Variants in HORMAD2 observed in about 807,000 individuals in gnomAD.
HORMAD2 encodes the protein HORMA domain-containing protein 2.
HORMAD2 carries 45 observed loss-of-function variants against 38.8 expected under a neutral mutation model. The observed-to-expected ratio is 1.16, with a 90% CI of 0.91 to 1.49. The LOEUF (loss-of-function observed/expected upper bound fraction) is 1.49, where lower values mean the gene tolerates loss of function less well. HORMAD2 is among the 40% of genes most tolerant of loss of function. The pLI, the probability that HORMAD2 is intolerant of heterozygous loss-of-function variation, is 0.00. For synonymous variants in HORMAD2, 126 were observed against 122.8 expected (o/e 1.03, Z -0.17); for missense variants, 338 against 367.0 (o/e 0.92, Z 0.65).
At chr22:30,200,471 T>C in the HORMAD2 span, among the ~76,000 whole-genome samples, 1 of 152,172 alleles carries the variant, frequency 6.6e-6, no homozygotes, top group African/African-American at 2.4e-5. Context: ...GATATTGGAA[T>C]TATGGTTCTC....
chr22:30,179,658 T>A (rs1926619657), downstream of HORMAD2, among the ~76,000 whole-genome samples: 1 of 152,158 alleles, frequency 6.6e-6, no homozygotes, highest in Admixed American at 6.5e-5. Flanking sequence ...GCAAACTCAG[T>A]CTTACAGTAG....
At chr22:30,179,159 T>C (rs950285644), downstream of HORMAD2, among the ~76,000 whole-genome samples, 6 of 152,192 alleles carry the variant, frequency 3.9e-5, no homozygotes, top group Non-Finnish European at 7.3e-5. Context: ...ATTGGATATT[T>C]AGGGACTTCC....
intron 10 of HORMAD2, among the ~76,000 whole-genome samples, chr22:30,170,832 T>C (rs760828119): frequency 9.2e-5 from 14 of 152,190 alleles, no homozygotes; most frequent in Non-Finnish European, 1.5e-4. Context: ...TTCTTTAGTC[T>C]TTTATTCACT....
At chr22:30,155,798 G>A (rs926853736) in intron 10 of HORMAD2, among the ~76,000 whole-genome samples, 6 of 152,244 alleles carry the variant, frequency 3.9e-5, no homozygotes, top group South Asian at 4.2e-4. Context: ...CTCCATCAGT[G>A]AGAGAACTGG....
At chr22:30,122,456 A>G (rs1922528621) in intron 10 of HORMAD2, among the ~76,000 whole-genome samples, 1 of 152,192 alleles carries the variant, frequency 6.6e-6, no homozygotes, top group Non-Finnish European at 1.5e-5. Context: ...ATTTTATTAA[A>G]GATATCATAA....
At chr22:30,107,955 G>T (rs1477290645) in intron 5 of HORMAD2, among the ~76,000 whole-genome samples, 1 of 145,294 alleles carries the variant, frequency 6.9e-6, no homozygotes, top group Admixed American at 6.9e-5. Flanking sequence ...TGCAACCTCT[G>T]CCTCCCGAGT....
intron 10 of HORMAD2, among the ~76,000 whole-genome samples, chr22:30,128,833 G>A (rs961675556): frequency 1.3e-5 from 2 of 152,176 alleles, no homozygotes; most frequent in Non-Finnish European, 1.5e-5. Context: ...GTAAAATCAT[G>A]ATTTAGAGGG....
At chr22:30,185,619 G>C in the HORMAD2 span, among the ~76,000 whole-genome samples, 6 of 152,164 alleles carry the variant, frequency 3.9e-5, no homozygotes, top group African/African-American at 1.4e-4. Context: ...CTAGCTAAAA[G>C]TCATTAGTCT....
At chr22:30,156,132 C>G (rs534667908) in intron 10 of HORMAD2, among the ~76,000 whole-genome samples, 3 of 152,332 alleles carry the variant, frequency 2.0e-5, no homozygotes, top group African/African-American at 7.2e-5. Context: ...CATGGTTGCC[C>G]TCCTCACACT....
chr22:30,100,696 G>A (rs2146086193), intron 3 of HORMAD2, among the ~76,000 whole-genome samples: 1 of 152,248 alleles, frequency 6.6e-6, no homozygotes, highest in South Asian at 2.1e-4. Flanking sequence ...TCTGACAAAG[G>A]TTTAATATCC....
chr22:30,108,816 C>T (rs1921403395), intron 5 of HORMAD2, among the ~76,000 whole-genome samples: 1 of 152,082 alleles, frequency 6.6e-6, no homozygotes, highest in Non-Finnish European at 1.5e-5. Context: ...AGTTTATATG[C>T]AGTAATCAAA....
At chr22:30,084,950 C>T (rs999779671) in intron 1 of HORMAD2, among the ~76,000 whole-genome samples, 14 of 151,866 alleles carry the variant, frequency 9.2e-5, no homozygotes, top group Admixed American at 9.2e-4. Flanking sequence ...TCGAGACCAT[C>T]GTCGCTAACA....
the HORMAD2 span, among the ~76,000 whole-genome samples, chr22:30,203,694 T>C: frequency 6.6e-6 from 1 of 152,078 alleles, no homozygotes; most frequent in African/African-American, 2.4e-5. Context: ...ATGCACACAA[T>C]CCACCTTCTC....
chr22:30,089,108 T>G (rs1350208828), intron 1 of HORMAD2, among the ~76,000 whole-genome samples: 1 of 152,160 alleles, frequency 6.6e-6, no homozygotes, highest in East Asian at 1.9e-4. Flanking sequence ...CTATTTATAA[T>G]CTCTATCACC....
At chr22:30,099,262 A>C (rs550434473) in intron 3 of HORMAD2, among the ~76,000 whole-genome samples, 2 of 152,338 alleles carry the variant, frequency 1.3e-5, no homozygotes, top group East Asian at 3.9e-4. Context: ...CAGCTAGATC[A>C]AAATCTATTT....
intron 7 of HORMAD2, among the ~76,000 whole-genome samples, chr22:30,114,589 C>T (rs1033612483): frequency 2.0e-5 from 3 of 152,260 alleles, no homozygotes; most frequent in South Asian, 2.1e-4. Context: ...GAGTTATATG[C>T]CTGGAAGTAT....
rs752396047 is a variant in HORMAD2, at chr22:30,176,077, T to A, written c.834T>A (p.Asn278Lys). 1 of 1,612,062 alleles carries A rather than the reference T, an allele frequency of 6.2e-7. No homozygotes were observed. Among genetic ancestry groups the A allele is most frequent in the Admixed American group, 1.7e-5 (1 of 59,952 alleles). Reference sequence around the variant, plus strand: ...GATTCTCACAGATTCAAAGAATGAATTTTGTGTGCAGTCAGCAAAGTTCTG... The same window carrying A: ...GATTCTCACAGATTCAAAGAATGAAATTTGTGTGCAGTCAGCAAAGTTCTG... Reference protein sequence around the residue: ...EECNDHIQRMNFVCSQQSSEC... With the variant: ...EECNDHIQRMKFVCSQQSSEC... Residue 278 changes from asparagine to lysine, a missense_variant, in exon 11 of 11, where the codon AAT (asparagine) becomes AAA (lysine). Physicochemically the swap from Asn to Lys is moderately conservative, Grantham distance 94 (BLOSUM62 0). Coordinates refer to ENST00000336726, the MANE Select transcript of HORMAD2 (RefSeq NM_152510.4).
chr22:30,189,304 T>C, the HORMAD2 span, among the ~76,000 whole-genome samples: 3 of 143,946 alleles, frequency 2.1e-5, no homozygotes, highest in Non-Finnish European at 4.7e-5. Flanking sequence ...TACCACTTCA[T>C]CCAGATTCCA....
At position 30,093,975 on chromosome 22, in the gene HORMAD2, A is replaced by G; in HGVS notation, c.23A>G (p.His8Arg). MATAQLS[H>R]CITIHKASKE... Reference sequence around the variant, plus strand: ...ACAATGGCCACTGCTCAGCTTTCTCACTGCATCACAATACACAAGGCTTCT... The same window carrying G: ...ACAATGGCCACTGCTCAGCTTTCTCGCTGCATCACAATACACAAGGCTTCT... The change falls in exon 2 of 11, where the codon CAC becomes CGC. Residue 8 changes from histidine to arginine, a missense_variant. His to Arg is a conservative substitution (Grantham distance 29). Transcript: ENST00000336726. 1 of 1,607,918 alleles carries G rather than the reference A, an allele frequency of 6.2e-7. No individual in the cohort carries two copies. The highest frequency in any genetic ancestry group is 1.1e-5 in the South Asian group (1 of 90,142).
Sources: gnomAD v4.1 joint callset for allele counts (sites outside exome capture counted in the v4.1 genomes callset) on GRCh38, gnomAD v4.1.1 for gene constraint, MANE v1.5 for transcripts, NCBI Gene and HGNC (gene_info 2026-07-23, HGNC 2026-07-21) for gene names.